Variants in ROS1 observed in about 807,000 individuals in gnomAD.
The protein encoded by ROS1 is proto-oncogene tyrosine-protein kinase ROS.
ROS1 carries 263 observed loss-of-function variants against 273.5 expected under a neutral mutation model. That is an observed-to-expected ratio of 0.96 (90% CI 0.87 to 1.06). The LOEUF is 1.06. Ranked by LOEUF, ROS1 falls within the 50% of genes least tolerant of loss-of-function variation. The probability of loss-of-function intolerance (pLI) is 0.00; values close to 1 mark genes in which losing one functional copy is unlikely to be tolerated. For missense variants in ROS1, 2,833 were observed against 2,751.1 expected (o/e 1.03, Z -0.67); for synonymous variants, 1,008 against 954.1 (o/e 1.06, Z -1.04).
At chr6:117,368,046 T>C (rs926838150) in intron 18 of ROS1, among the ~76,000 whole-genome samples, 4 of 152,212 alleles carry the variant, frequency 2.6e-5, no homozygotes, top group African/African-American at 9.7e-5. Context: ...CTGTATGTTA[T>C]TTCAATGTGT....
In ROS1 at chr6:117,396,960, C is replaced by T; in HGVS notation, c.761G>A (p.Arg254Lys). ...AGTGGAGTAAAACTGGAAACTGGTT[C>T]TCTGTGTCCCTGCATCTAATTTTTG... ...KNQKLDAGTQ[R>K]TSFQFYSTLP... The change falls in exon 8 of 44, where the codon AGA (arginine) becomes AAA (lysine). Residue 254 changes from arginine (R) to lysine (K), a missense_variant. Arg to Lys is a conservative substitution (Grantham distance 26). Coordinates refer to ENST00000368507, the MANE Select transcript of ROS1 (RefSeq NM_001378902.1). The T allele has an allele frequency of 6.2e-7, 1 of 1,614,072 alleles. No homozygotes were observed. Among genetic ancestry groups the T allele is most frequent in the Non-Finnish European group, 8.5e-7 (1 of 1,179,960 alleles).
At position 117,393,892 on chromosome 6, in the gene ROS1, T is replaced by A. The variant is rs1373878817; in HGVS notation, c.1191+270A>T. 3.3e-5 allele frequency among the ~76,000 whole-genome samples: 5 copies of A among 152,158 alleles called. No homozygotes were observed. In the East Asian group the frequency reaches 9.6e-4, roughly 29 times the overall value. On this transcript the variant is annotated intron_variant, in intron 11 of 43. Transcript: ENST00000368507. ...CAATAAGACAGGTACCACCACTATC[T>A]TATAGAAGATGAATTATTTTTAGTA...
At chr6:117,367,875 G>A (rs903804521) in intron 18 of ROS1, among the ~76,000 whole-genome samples, 1 of 151,980 alleles carries the variant, frequency 6.6e-6, no homozygotes, top group Non-Finnish European at 1.5e-5. Flanking sequence ...GAACAGCCAG[G>A]CATAACAAGA....
chr6:117,366,998 G>T (rs1248587262), intron 18 of ROS1, among the ~76,000 whole-genome samples: 1 of 152,122 alleles, frequency 6.6e-6, no homozygotes, highest in East Asian at 1.9e-4. Flanking sequence ...TCTTGCATTA[G>T]CATAAGAAAG....
Position 117,362,700 on chromosome 6 carries a change from T to A in ROS1, c.3269A>T (p.Asn1090Ile), listed in dbSNP as rs115286894. Reference protein sequence around the residue: ...FYNISNQSITNKTCEDWIAVN... With the variant: ...FYNISNQSITIKTCEDWIAVN... ...AGCAATCCAGTCTTCACATGTTTTG[T>A]TTGTAATACTTTGATTGGATATATT... Residue 1090 changes from asparagine to isoleucine, a missense_variant, in exon 22 of 44, where the codon AAC (asparagine) becomes ATC (isoleucine). By Grantham distance (149) the Asn-to-Ile change is moderately radical. Transcript: ENST00000368507. The A allele has an allele frequency of 4.8e-4, 767 of 1,613,530 alleles. 5 individuals are homozygous for A. The African/African-American group carries it at 9.0e-3, about 19-fold the overall frequency.
At chr6:117,291,173 T>C (rs534014576) in intron 43 of ROS1, among the ~76,000 whole-genome samples, 1 of 152,186 alleles carries the variant, frequency 6.6e-6, no homozygotes, top group Non-Finnish European at 1.5e-5. Context: ...TTTACATTCA[T>C]TGTAAATAAC....
chr6:117,307,274 C>T (rs1175137901), intron 42 of ROS1, among the ~76,000 whole-genome samples: 2 of 152,110 alleles, frequency 1.3e-5, no homozygotes, highest in African/African-American at 2.4e-5. Flanking sequence ...TCAAAGCTGC[C>T]TATCCAAAAA....
chr6:117,385,682 C>T lies in ROS1; in HGVS notation c.2289+1G>A. On this transcript the variant is annotated splice_donor_variant, in intron 16 of 43. Coordinates refer to ENST00000368507, the MANE Select transcript of ROS1 (RefSeq NM_001378902.1). LOFTEE classifies it high-confidence loss of function. ...ATCCAGAATGCCATGCTTTAACTCACCACATATGTCTTTCCAGCCCAGTAG... is the reference window on the plus strand; with the variant it reads ...ATCCAGAATGCCATGCTTTAACTCATCACATATGTCTTTCCAGCCCAGTAG... The T allele has an allele frequency of 6.2e-7, 1 of 1,613,892 alleles. No homozygotes were observed. The highest frequency in any genetic ancestry group is 8.5e-7 in the Non-Finnish European group (1 of 1,179,954).
Position 117,394,714 on chromosome 6 carries a change from A to G in ROS1, c.908T>C (p.Phe303Ser). 1 of 1,611,330 alleles carries G rather than the reference A, an allele frequency of 6.2e-7. No individual in the cohort carries two copies. Among genetic ancestry groups the G allele is most frequent in the Non-Finnish European group, 8.5e-7 (1 of 1,178,900 alleles). Residue 303 changes from phenylalanine to serine, a missense_variant, in exon 10 of 44, where the codon TTT becomes TCT. Physicochemically the swap from Phe to Ser is radical, Grantham distance 155. Coordinates refer to ENST00000368507, the MANE Select transcript of ROS1 (RefSeq NM_001378902.1). ...SAVQQEEQWL[F>S]LSRKTSLRKR... is the part of the protein sequence containing the mutation. The stretch of plus-strand genomic sequence containing the variant: ...TCTTAGAGAAGTTTTTCTGGATAAA[A>G]AGAGCCACTGTTCCTCTTGTTGAAC...
At chr6:117,321,214 C>G (rs200445885) in intron 36 of ROS1, 45 bp downstream of exon 36, 1 of 1,597,014 alleles carries the variant, frequency 6.3e-7, no homozygotes, top group Non-Finnish European at 8.5e-7. Flanking sequence ...TACTGTTGCC[C>G]ACCCTTTGCC....
intron 17 of ROS1, among the ~76,000 whole-genome samples, chr6:117,379,952 A>G (rs557940203): frequency 8.5e-5 from 13 of 152,246 alleles, no homozygotes; most frequent in South Asian, 2.1e-4. Context: ...GTTGCAATGT[A>G]TATCTTAAGT....
intron 7 of ROS1, among the ~76,000 whole-genome samples, chr6:117,398,693 A>AAAAAAAAAAAAAAAAAAAAAAAAAAAAAC (rs1554252569): frequency 7.1e-6 from 1 of 141,094 alleles, no homozygotes; most frequent in Non-Finnish European, 1.6e-5. Context: ...AAAAAAAAAA[A>AAAAAAAAAAAAAAAAAAAAAAAAAAAAAC]AAAACTCGCG....
rs765778935 is a variant in ROS1, at chr6:117,383,343, T to C, written c.2455A>G (p.Thr819Ala). The change falls in exon 17 of 44, where the codon ACA becomes GCA. Residue 819 changes from threonine (T) to alanine (A), a missense_variant. Transcript: ENST00000368507. ...TTTTTCCCAGAAAACCAAGGCTGTG[T>C]CTGTAGTACAAGGGAACTTTCCCCA... ...LNGESSLVLQ[T>A]QPWFSGKKVI... is the part of the protein sequence containing the mutation. The C allele has an allele frequency of 1.2e-6, 2 of 1,613,924 alleles. No individual in the cohort carries two copies. Among genetic ancestry groups the C allele is most frequent in the Non-Finnish European group, 1.7e-6 (2 of 1,179,832 alleles).
chr6:117,375,663 C>CA (rs1462298241), intron 18 of ROS1, among the ~76,000 whole-genome samples: 26 of 152,144 alleles, frequency 1.7e-4, no homozygotes, highest in Non-Finnish European at 3.1e-4. Flanking sequence ...CTGTACTATG[C>CA]AAACACTAAG....
chr6:117,389,395 G>T lies in ROS1; in HGVS notation c.1741C>A (p.Gln581Lys), dbSNP rs976221573. 6.2e-6 allele frequency: 10 copies of T among 1,614,028 alleles called. No individual in the cohort carries two copies. The highest frequency in any genetic ancestry group is 8.5e-6 in the Non-Finnish European group (10 of 1,180,040). ...QELSVLFGSH[Q>K]ALVQWKPPAL... ...GGAGGCTTCCATTGAACAAGAGCCT[G>T]GTGAGAGCCAAACAGCACCGAAAGC... Residue 581 changes from glutamine to lysine, a missense_variant, in exon 13 of 44, where the codon CAG becomes AAG. Transcript: ENST00000368507.
At chr6:117,418,401 T>C in intron 2 of ROS1, 61 bp downstream of exon 2, 3 of 1,154,778 alleles carry the variant, frequency 2.6e-6, no homozygotes, top group South Asian at 2.8e-5. Context: ...AATCTGATCA[T>C]TGTCCCTTCA....
At chr6:117,386,515 T>C (rs1485949147) in intron 15 of ROS1, among the ~76,000 whole-genome samples, 1 of 152,254 alleles carries the variant, frequency 6.6e-6, no homozygotes, top group Non-Finnish European at 1.5e-5. Flanking sequence ...TTTAGAACTC[T>C]ATGCAGCAGT....
intron 33 of ROS1, chr6:117,328,295 T>C: frequency 4.1e-6 from 1 of 245,152 alleles, no homozygotes; most frequent in Non-Finnish European, 8.0e-6. Flanking sequence ...GCAAAGTATT[T>C]AGATGGAGTC....
intron 32 of ROS1, 98 bp downstream of exon 32, chr6:117,337,074 A>T (rs2128616194): frequency 1.0e-6 from 1 of 972,898 alleles, no homozygotes; most frequent in Non-Finnish European, 1.5e-6. Flanking sequence ...TACTGCTTTT[A>T]AAGAACAATT....
Sources: allele counts gnomAD v4.1 joint callset (sites outside exome capture counted in the v4.1 genomes callset), GRCh38; gene constraint gnomAD v4.1.1; transcripts MANE v1.5; gene names NCBI Gene and HGNC (gene_info 2026-07-23, HGNC 2026-07-21).